RBFOX1: variants seen among roughly 807,000 people sequenced by gnomAD.
RBFOX1 encodes the protein RNA binding fox-1 homolog 1, also known as RNA binding protein fox-1 homolog 1.
RBFOX1 carries 8 observed loss-of-function variants against 57.7 expected under a neutral mutation model. The observed-to-expected ratio is 0.14, with a 90% CI of 0.08 to 0.25. The LOEUF (loss-of-function observed/expected upper bound fraction) is 0.25, where lower values mean the gene tolerates loss of function less well. RBFOX1 is among the 10% of genes least tolerant of loss of function. The probability of loss-of-function intolerance (pLI) is 1.00; values close to 1 mark genes in which losing one functional copy is unlikely to be tolerated. For synonymous variants in RBFOX1, 326 were observed against 222.4 expected (o/e 1.47, Z -4.15); for missense variants, 611 against 548.5 (o/e 1.11, Z -1.14).
At chr16:7,149,268 G>C (rs973176365) in intron 4 of RBFOX1, among the ~76,000 whole-genome samples, 1 of 151,940 alleles carries the variant, frequency 6.6e-6, no homozygotes, top group African/African-American at 2.4e-5. Context: ...GTTGCAATAT[G>C]ACTGTTTGCT....
chr16:5,890,949 C>T (rs2058032253), intron 4 of RBFOX1, among the ~76,000 whole-genome samples: 1 of 152,110 alleles, frequency 6.6e-6, no homozygotes, highest in Non-Finnish European at 1.5e-5. Context: ...GCTTCATCCG[C>T]CTGGATCTGA....
At chr16:5,317,874 C>A (rs2064285344) in intron 1 of RBFOX1, among the ~76,000 whole-genome samples, 1 of 152,092 alleles carries the variant, frequency 6.6e-6, no homozygotes, top group African/African-American at 2.4e-5. Flanking sequence ...TATTTATTTA[C>A]AAAATTTTTA....
chr16:7,508,011 G>T (rs1289406009), intron 4 of RBFOX1, among the ~76,000 whole-genome samples: 1 of 151,158 alleles, frequency 6.6e-6, no homozygotes. Context: ...TTTTGAGATG[G>T]AGTCTCACCC....
chr16:6,475,372 A>G (rs2095256793), intron 2 of RBFOX1, among the ~76,000 whole-genome samples: 1 of 152,184 alleles, frequency 6.6e-6, no homozygotes, highest in Admixed American at 6.5e-5. Context: ...GGTTGCAATA[A>G]TTCTGTTTCT....
intron 3 of RBFOX1, among the ~76,000 whole-genome samples, chr16:6,901,001 C>G (rs1567791711): frequency 6.6e-6 from 1 of 152,204 alleles, no homozygotes; most frequent in African/African-American, 2.4e-5. Flanking sequence ...ACTAGAAAGA[C>G]TTCCTGATAT....
chr16:6,807,119 C>A (rs1483612511), intron 3 of RBFOX1, among the ~76,000 whole-genome samples: 1 of 151,850 alleles, frequency 6.6e-6, no homozygotes, highest in Non-Finnish European at 1.5e-5. Context: ...CAGGTGTAAG[C>A]CACCGTGCCC....
intron 2 of RBFOX1, among the ~76,000 whole-genome samples, chr16:6,327,277 A>G (rs1198874258): frequency 3.9e-5 from 6 of 151,956 alleles, no homozygotes; most frequent in Non-Finnish European, 8.8e-5. Flanking sequence ...ATGGCCACAC[A>G]ATATAACATC....
chr16:6,879,415 T>G (rs982440845), intron 3 of RBFOX1, among the ~76,000 whole-genome samples: 1 of 152,238 alleles, frequency 6.6e-6, no homozygotes, highest in Non-Finnish European at 1.5e-5. Context: ...TATGTAATTA[T>G]TAGAATTTTC....
intron 2 of RBFOX1, among the ~76,000 whole-genome samples, chr16:6,434,276 G>T (rs969083116): frequency 1.3e-5 from 2 of 152,136 alleles, no homozygotes; most frequent in Non-Finnish European, 2.9e-5. Flanking sequence ...ACATTCAGAG[G>T]TTCTGGAGAT....
chr16:5,441,847 C>T (rs1169292136), intron 1 of RBFOX1, among the ~76,000 whole-genome samples: 1 of 152,156 alleles, frequency 6.6e-6, no homozygotes, highest in East Asian at 1.9e-4. Context: ...AACTCACTCA[C>T]TATCACGAAA....
rs558871115 is a variant in RBFOX1, at chr16:7,165,590, C to T, written c.27+113492C>T. On this transcript the variant is annotated intron_variant, in intron 4 of 15. Coordinates refer to ENST00000550418, the MANE Select transcript of RBFOX1 (RefSeq NM_018723.4). ...GATTACGGGCATGCACCACCACGCC[C>T]GGCTAATTTTGTATTTTTAGTAGAG... 2.4e-3 allele frequency among the ~76,000 whole-genome samples: 367 copies of T among 151,592 alleles called. 3 individuals carry two copies. Among genetic ancestry groups the T allele is most frequent in the Non-Finnish European group, 2.7e-3 (183 of 67,864 alleles).
intron 4 of RBFOX1, among the ~76,000 whole-genome samples, chr16:5,911,983 A>G (rs540137050): frequency 2.0e-5 from 3 of 152,256 alleles, no homozygotes; most frequent in Non-Finnish European, 2.9e-5. Context: ...ACGGGGAGAA[A>G]TTTGGAGACA....
chr16:6,708,106 A>G (rs2063087515), intron 3 of RBFOX1, among the ~76,000 whole-genome samples: 1 of 152,164 alleles, frequency 6.6e-6, no homozygotes, highest in Non-Finnish European at 1.5e-5. Flanking sequence ...AACAGTTGGC[A>G]TCTTTTGTTT....
intron 4 of RBFOX1, among the ~76,000 whole-genome samples, chr16:7,502,039 C>A (rs758743): frequency 0.022 from 3,306 of 152,234 alleles, 135 homozygotes; most frequent in African/African-American, 0.075. Context: ...TGCTTTCTGG[C>A]AATCTCTCCT....
At chr16:5,739,662 C>T (rs898767198) in intron 3 of RBFOX1, among the ~76,000 whole-genome samples, 1 of 152,328 alleles carries the variant, frequency 6.6e-6, no homozygotes, top group East Asian at 1.9e-4. Context: ...TTGGCATTTT[C>T]TGTGCACCCT....
intron 2 of RBFOX1, among the ~76,000 whole-genome samples, chr16:5,570,837 C>T (rs1252810461): frequency 4.8e-5 from 2 of 41,506 alleles, no homozygotes; most frequent in East Asian, 1.6e-3. Flanking sequence ...GAAACTCTGT[C>T]TCAAAAAAAA....
intron 10 of RBFOX1, among the ~76,000 whole-genome samples, chr16:7,624,016 G>A (rs2059704526): frequency 6.6e-6 from 1 of 152,184 alleles, no homozygotes; most frequent in Non-Finnish European, 1.5e-5. Flanking sequence ...AGGACTCGAT[G>A]AAATGAGTGA....
intron 3 of RBFOX1, among the ~76,000 whole-genome samples, chr16:6,999,220 T>A (rs1343411184): frequency 7.7e-5 from 10 of 129,714 alleles, no homozygotes; most frequent in South Asian, 7.4e-4. Context: ...TTATTTATTT[T>A]TTTTATTTAT....
chr16:7,339,064 G>T (rs1417053380), intron 4 of RBFOX1, among the ~76,000 whole-genome samples: 1 of 152,174 alleles, frequency 6.6e-6, no homozygotes, highest in Non-Finnish European at 1.5e-5. Flanking sequence ...TCAGGGAGGT[G>T]GCAGAGAGAA....
Sources: allele counts gnomAD v4.1 joint callset (sites outside exome capture counted in the v4.1 genomes callset), GRCh38; gene constraint gnomAD v4.1.1; transcripts MANE v1.5; gene names NCBI Gene and HGNC (gene_info 2026-07-23, HGNC 2026-07-21).